PLXNA2: variants seen among roughly 807,000 people sequenced by gnomAD.
The protein encoded by PLXNA2 is plexin-A2.
In PLXNA2, 91 loss-of-function variants were observed where a neutral mutation model predicts 193.5. The observed-to-expected ratio is 0.47, with a 90% CI of 0.40 to 0.56. PLXNA2 has a LOEUF of 0.56. Among genes scored for constraint, PLXNA2 ranks in the 20% least tolerant of loss-of-function variants. The pLI, the probability that PLXNA2 is intolerant of heterozygous loss-of-function variation, is 0.00. For missense variants in PLXNA2, 1,995 were observed against 2,503.2 expected, an observed-to-expected ratio of 0.80 and a Z score of 4.33; for synonymous variants, 997 against 1,027.3, an observed-to-expected ratio of 0.97 and a Z score of 0.56.
At position 208,195,731 on chromosome 1, in the gene PLXNA2, C is replaced by G. The variant is rs1670337772; in HGVS notation, c.1371+14549G>C. 4.0e-5 allele frequency among the ~76,000 whole-genome samples: 6 copies of G among 151,852 alleles called. No homozygotes were observed. In the South Asian group the frequency reaches 1.2e-3, roughly 32 times the overall value. On this transcript the variant is annotated intron_variant, in intron 3 of 31. Transcript: ENST00000367033. ...TGCTAATACACAGACTGGCTGCAGC[C>G]CAGGGGTGTCTGCTGAGCTCAGACA...
At chr1:208,084,141 G>T (rs1301737170) in intron 10 of PLXNA2, among the ~76,000 whole-genome samples, 1 of 152,106 alleles carries the variant, frequency 6.6e-6, no homozygotes, top group African/African-American at 2.4e-5. Flanking sequence ...TTCAGAAAGG[G>T]CACAAAGATC....
intron 12 of PLXNA2, among the ~76,000 whole-genome samples, chr1:208,066,189 C>T (rs1427638405): frequency 6.6e-6 from 1 of 152,198 alleles, no homozygotes; most frequent in Non-Finnish European, 1.5e-5. Context: ...GACTAGAAGT[C>T]TATCTGAATT....
intron 5 of PLXNA2, among the ~76,000 whole-genome samples, chr1:208,100,616 T>C (rs1222688877): frequency 2.0e-5 from 3 of 152,180 alleles, no homozygotes; most frequent in African/African-American, 4.8e-5. Context: ...TAATGGCTAT[T>C]TGAAGGCAGT....
chr1:208,218,750 G>A (rs987740556), intron 1 of PLXNA2, among the ~76,000 whole-genome samples: 8 of 152,194 alleles, frequency 5.3e-5, no homozygotes, highest in Non-Finnish European at 1.0e-4. Flanking sequence ...AAAAGCCCTC[G>A]GGAGACAGGC....
chr1:208,209,983 A>ATTTT (rs1553297870), intron 3 of PLXNA2: 51 of 87,964 alleles, frequency 5.8e-4, no homozygotes, highest in African/African-American at 2.2e-3. Context: ...ATGAAGAGCA[A>ATTTT]TTTTTTTTTT....
At chr1:208,165,623 C>T (rs2440900) in intron 3 of PLXNA2, among the ~76,000 whole-genome samples, 140,520 of 152,158 alleles carry the variant, frequency 0.92, 65,513 homozygotes, top group Non-Finnish European at 0.99. Context: ...TCATCTGTCT[C>T]AAAACCCCGC....
At chr1:208,147,661 G>T (rs572144339) in intron 3 of PLXNA2, among the ~76,000 whole-genome samples, 1 of 152,286 alleles carries the variant, frequency 6.6e-6, no homozygotes, top group East Asian at 1.9e-4. Context: ...AGAGGCACAG[G>T]AGAGTTAGGC....
At chr1:208,205,086 C>G (rs1670674000) in intron 3 of PLXNA2, among the ~76,000 whole-genome samples, 1 of 152,168 alleles carries the variant, frequency 6.6e-6, no homozygotes, top group Non-Finnish European at 1.5e-5. Context: ...GGAACTTCAC[C>G]CTAACCCAAG....
In PLXNA2 at chr1:208,236,348, C is replaced by A. The variant is rs970875248; in HGVS notation, c.-81+7295G>T. 6.6e-6 allele frequency among the ~76,000 whole-genome samples: 1 copy of A among 152,146 alleles called. No individual in the cohort carries two copies. The highest frequency in any genetic ancestry group is 1.5e-5 in the Non-Finnish European group (1 of 68,026). On this transcript the variant is annotated intron_variant, in intron 1 of 31. Transcript: ENST00000367033. The surrounding 1 kb of genome is among the most constrained non-coding windows in gnomAD (Gnocchi z 4.4). ...CAACGTAATATTTACCCAGCCTAGC[C>A]GAGGCCTTTCACTTTTATGAAGCAG... is the stretch of plus-strand genomic sequence containing the variant.
chr1:208,040,386 A>G (rs1664827128), intron 22 of PLXNA2: 2 of 292,362 alleles, frequency 6.8e-6, no homozygotes, highest in South Asian at 1.1e-4. Context: ...GGCTATAAAG[A>G]ACCGGTTCTC....
intron 3 of PLXNA2, among the ~76,000 whole-genome samples, chr1:208,183,607 A>AGGGGGGGAG (rs1669910900): frequency 1.9e-5 from 2 of 105,208 alleles, no homozygotes; most frequent in Non-Finnish European, 4.0e-5. Context: ...AGAGAGGGAG[A>AGGGGGGGAG]GGGGGGGGTC....
At chr1:208,243,170 A>C (rs1672117687) in intron 1 of PLXNA2, among the ~76,000 whole-genome samples, 1 of 151,858 alleles carries the variant, frequency 6.6e-6, no homozygotes, top group Non-Finnish European at 1.5e-5. Flanking sequence ...GCCGGCGGCC[A>C]CCAGGGACCC....
At chr1:208,178,678 C>T (rs1669742514) in intron 3 of PLXNA2, among the ~76,000 whole-genome samples, 1 of 152,208 alleles carries the variant, frequency 6.6e-6, no homozygotes, top group South Asian at 2.1e-4. Flanking sequence ...AATGTAAACA[C>T]CTGTATCCAG....
At chr1:208,037,086 T>C (rs2102309632) in intron 26 of PLXNA2, among the ~76,000 whole-genome samples, 1 of 152,302 alleles carries the variant, frequency 6.6e-6, no homozygotes, top group Middle Eastern at 3.4e-3. Context: ...TGATGACAGC[T>C]ACCTTATCTG....
chr1:208,089,664 G>T (rs921346493), intron 9 of PLXNA2, among the ~76,000 whole-genome samples: 1 of 152,130 alleles, frequency 6.6e-6, no homozygotes, highest in Non-Finnish European at 1.5e-5. Flanking sequence ...TTATAAATGT[G>T]TGATATATTA....
chr1:208,168,724 G>GTTTTTTTTTT (rs10668701), intron 3 of PLXNA2, among the ~76,000 whole-genome samples: 8 of 73,192 alleles, frequency 1.1e-4, no homozygotes, highest in South Asian at 5.2e-4. Flanking sequence ...AGTATGCGGG[G>GTTTTTTTTTT]TTTTTTTTTT....
At chr1:208,045,416 G>A (rs937211263) in intron 18 of PLXNA2, among the ~76,000 whole-genome samples, 1 of 152,178 alleles carries the variant, frequency 6.6e-6, no homozygotes, top group Non-Finnish European at 1.5e-5. Flanking sequence ...GAATGAAAAT[G>A]AAGAAGAGAG....
chr1:208,218,104 TCTC>T (rs1305713118), intron 1 of PLXNA2, 102 bp from the exon 2 acceptor site: 2 of 922,026 alleles, frequency 2.2e-6, no homozygotes, highest in East Asian at 2.7e-5. Flanking sequence ...GCTCTGTGAG[TCTC>T]CTCCTTCTGC....
intron 12 of PLXNA2, among the ~76,000 whole-genome samples, chr1:208,065,894 T>C (rs1270052810): frequency 6.6e-6 from 1 of 152,204 alleles, no homozygotes; most frequent in Non-Finnish European, 1.5e-5. Context: ...CCCTCCCTTG[T>C]GGCCATTTCT....
Sources: gnomAD v4.1 joint callset for allele counts (sites outside exome capture counted in the v4.1 genomes callset) on GRCh38, gnomAD v4.1.1 for gene constraint, Gnocchi (gnomAD v3.1) non-coding constraint, MANE v1.5 for transcripts, NCBI Gene and HGNC (gene_info 2026-07-23, HGNC 2026-07-21) for gene names.